Variants in TTLL5 observed in about 807,000 individuals in gnomAD.
TTLL5 encodes tubulin tyrosine ligase like 5.
A neutral mutation model predicts 168.4 loss-of-function variants in TTLL5; 132 were observed. The ratio of observed to expected loss-of-function variants is 0.78; its 90% CI spans 0.68 to 0.91. The LOEUF is 0.91. TTLL5 is among the 40% of genes least tolerant of loss of function. TTLL5 has a pLI of 0.00. For missense variants in TTLL5, 1,545 were observed against 1,581.5 expected, an observed-to-expected ratio of 0.98 and a Z score of 0.39; for synonymous variants, 546 against 558.6, an observed-to-expected ratio of 0.98 and a Z score of 0.32.
At chr14:75,948,535 C>T (rs544369860) in intron 31 of TTLL5, among the ~76,000 whole-genome samples, 3 of 151,276 alleles carry the variant, frequency 2.0e-5, no homozygotes, top group African/African-American at 7.3e-5. Flanking sequence ...AAAAACTTGA[C>T]AAATGTAGGT....
chr14:75,765,928 G>T (rs1890950465), intron 19 of TTLL5, 134 bp from the exon 20 acceptor site: 8 of 636,358 alleles, frequency 1.3e-5, no homozygotes, highest in Non-Finnish European at 2.1e-5. Flanking sequence ...GTGACATGTG[G>T]GTGCTATTAA....
At chr14:75,809,693 A>G (rs1341744768) in intron 27 of TTLL5, among the ~76,000 whole-genome samples, 1 of 152,068 alleles carries the variant, frequency 6.6e-6, no homozygotes. Context: ...GTATTTTTGT[A>G]CTCATGAATC....
intron 27 of TTLL5, among the ~76,000 whole-genome samples, chr14:75,795,148 T>C (rs1027309911): frequency 6.6e-6 from 1 of 152,164 alleles, no homozygotes; most frequent in Non-Finnish European, 1.5e-5. Flanking sequence ...CTCCTGCCAC[T>C]GACTAGCTGT....
chr14:75,938,237 AAGG>A (rs2034492246), intron 31 of TTLL5, among the ~76,000 whole-genome samples: 2 of 152,206 alleles, frequency 1.3e-5, no homozygotes, highest in South Asian at 4.1e-4. Flanking sequence ...CTCAAAAGAG[AAGG>A]AGAAGTCGGA....
chr14:75,929,695 T>C (rs1040464860), intron 31 of TTLL5, among the ~76,000 whole-genome samples: 5 of 152,102 alleles, frequency 3.3e-5, no homozygotes, highest in Non-Finnish European at 7.4e-5. Context: ...TCAGGTGATC[T>C]ACCCACCTCG....
At chr14:75,679,020 G>T (rs1176937835) in intron 3 of TTLL5, among the ~76,000 whole-genome samples, 2 of 152,032 alleles carry the variant, frequency 1.3e-5, no homozygotes, top group South Asian at 4.2e-4. Flanking sequence ...ACATTTATTA[G>T]CTGGATTCTC....
intron 20 of TTLL5, among the ~76,000 whole-genome samples, chr14:75,767,569 T>A (rs1303146143): frequency 1.3e-5 from 2 of 152,128 alleles, no homozygotes; most frequent in Non-Finnish European, 2.9e-5. Context: ...GCTTGGTGTG[T>A]TTACAAAATA....
intron 31 of TTLL5, among the ~76,000 whole-genome samples, chr14:75,925,806 C>G (rs2034032969): frequency 6.6e-6 from 1 of 151,994 alleles, no homozygotes; most frequent in South Asian, 2.1e-4. Context: ...CCCGGCACCT[C>G]GGGAGGCCGA....
intron 28 of TTLL5, among the ~76,000 whole-genome samples, chr14:75,822,643 A>G (rs1894896445): frequency 6.6e-6 from 1 of 152,162 alleles, no homozygotes; most frequent in African/African-American, 2.4e-5. Context: ...AACTCTGCAA[A>G]TGGTGTTATT....
At chr14:75,809,355 A>G (rs1043652109) in intron 27 of TTLL5, among the ~76,000 whole-genome samples, 1 of 152,174 alleles carries the variant, frequency 6.6e-6, no homozygotes, top group Non-Finnish European at 1.5e-5. Context: ...ATCTATGAGT[A>G]TCTTTGTTTT....
At chr14:75,950,021 C>T (rs2034910479) in intron 31 of TTLL5, among the ~76,000 whole-genome samples, 1 of 151,856 alleles carries the variant, frequency 6.6e-6, no homozygotes, top group South Asian at 2.1e-4. Flanking sequence ...CAGTAGGGGG[C>T]TGTGTGTGAC....
At chr14:75,843,272 G>A (rs574632910) in intron 28 of TTLL5, among the ~76,000 whole-genome samples, 1 of 152,254 alleles carries the variant, frequency 6.6e-6, no homozygotes, top group African/African-American at 2.4e-5. Context: ...GTTTCTCTTG[G>A]AAGTCCACTC....
intron 15 of TTLL5, among the ~76,000 whole-genome samples, 193 bp from the exon 16 acceptor site, chr14:75,744,902 C>T (rs536993010): frequency 1.1e-4 from 16 of 152,224 alleles, no homozygotes; most frequent in Non-Finnish European, 2.1e-4. Context: ...GTTTTCTCCT[C>T]TTGCCTTTGA....
In TTLL5 at chr14:75,690,308, A is replaced by T. The variant is rs970359104; in HGVS notation, c.488A>T (p.Tyr163Phe). 6 of 1,607,286 alleles carry T rather than the reference A, an allele frequency of 3.7e-6. No homozygotes were observed. The highest frequency in any genetic ancestry group is 5.1e-6 in the Non-Finnish European group (6 of 1,177,522). ...CAGACCTTCCTCCTGCCAGCTGAGT[A>T]CGCGGAATTTTGTAGTAAGTGCTTG... Reference protein sequence around the residue: ...LPQTFLLPAEYAEFCNSYSKD... With the variant: ...LPQTFLLPAEFAEFCNSYSKD... Residue 163 changes from tyrosine to phenylalanine, a missense_variant, in exon 6 of 32, where the codon TAC becomes TTC. Tyr to Phe is a conservative substitution (Grantham distance 22). Coordinates refer to ENST00000298832, the MANE Select transcript of TTLL5 (RefSeq NM_015072.5).
At chr14:75,699,327 C>G in intron 7 of TTLL5, 57 bp downstream of exon 7, 1 of 1,421,442 alleles carries the variant, frequency 7.0e-7, no homozygotes, top group Non-Finnish European at 9.9e-7. Context: ...CTCCTTCACC[C>G]TTTGTATTGG....
chr14:75,806,522 A>G (rs1893665531), intron 27 of TTLL5, among the ~76,000 whole-genome samples: 1 of 152,184 alleles, frequency 6.6e-6, no homozygotes, highest in Non-Finnish European at 1.5e-5. Context: ...GTGCAGCTCA[A>G]CTAGAATTTC....
chr14:75,823,643 A>C (rs1288030065), intron 28 of TTLL5, among the ~76,000 whole-genome samples: 2 of 152,140 alleles, frequency 1.3e-5, no homozygotes, highest in African/African-American at 2.4e-5. Context: ...TTTTTCACAC[A>C]TGCATCCTGG....
At position 75,690,214 on chromosome 14, in the gene TTLL5, G is replaced by T; in HGVS notation, c.394G>T (p.Asp132Tyr). The T allele has an allele frequency of 6.2e-7, 1 of 1,613,464 alleles. No individual in the cohort carries two copies. The highest frequency in any genetic ancestry group is 1.1e-5 in the South Asian group (1 of 90,908). ...FPRSYELTRK[D>Y]RLYKNIIRMQ... ...CAGGTCTTATGAACTTACCCGGAAGGACCGACTGTACAAAAACATTATTCG... is the reference window on the plus strand; with the variant it reads ...CAGGTCTTATGAACTTACCCGGAAGTACCGACTGTACAAAAACATTATTCG... Residue 132 changes from aspartate to tyrosine, a missense_variant, in exon 6 of 32, where the codon GAC becomes TAC. By Grantham distance (160) the Asp-to-Tyr change is radical (BLOSUM62 -3). Transcript: ENST00000298832.
At chr14:75,675,533 A>G (rs560483845) in intron 3 of TTLL5, among the ~76,000 whole-genome samples, 5 of 152,288 alleles carry the variant, frequency 3.3e-5, no homozygotes, top group East Asian at 1.9e-4. Context: ...GGTCTCTTCT[A>G]TGGTGGAATT....
Sources: allele counts gnomAD v4.1 joint callset (sites outside exome capture counted in the v4.1 genomes callset), GRCh38; gene constraint gnomAD v4.1.1; transcripts MANE v1.5; gene names NCBI Gene and HGNC (gene_info 2026-07-23, HGNC 2026-07-21).